The following PSMD14 variants were observed in gnomAD, a reference collection of about 807,000 sequenced individuals.
PSMD14 encodes proteasome 26S subunit, non-ATPase 14, also known as ubiquitin C-terminal hydrolase PSMD14.
In PSMD14, 7 loss-of-function variants were observed where a neutral mutation model predicts 41.2. That is an observed-to-expected ratio of 0.17 (90% CI 0.10 to 0.32). The LOEUF (loss-of-function observed/expected upper bound fraction) is 0.32. Among genes scored for constraint, PSMD14 ranks in the 10% least tolerant of loss-of-function variants. PSMD14 has a pLI of 1.00. For missense variants in PSMD14, 139 were observed against 375.6 expected (o/e 0.37, Z 5.21); for synonymous variants, 114 against 122.3 (o/e 0.93, Z 0.45).
chr2:161,315,813 A>T (rs936666727), intron 1 of PSMD14, among the ~76,000 whole-genome samples: 7 of 151,162 alleles, frequency 4.6e-5, no homozygotes, highest in African/African-American at 1.7e-4. Flanking sequence ...TGTCTTATTT[A>T]AAAATATAAG....
At chr2:161,358,586 C>T (rs1259528646) in intron 3 of PSMD14, among the ~76,000 whole-genome samples, 1 of 152,174 alleles carries the variant, frequency 6.6e-6, no homozygotes, top group East Asian at 1.9e-4. Context: ...CTGACCACTC[C>T]TACTCTACAT....
At chr2:161,318,552 A>G (rs1468262958) in intron 2 of PSMD14, among the ~76,000 whole-genome samples, 9 of 152,168 alleles carry the variant, frequency 5.9e-5, no homozygotes, top group Non-Finnish European at 1.0e-4. Flanking sequence ...TAACTTAATG[A>G]TAGCAAAGTT....
At chr2:161,390,580 C>G (rs1257687692) in intron 8 of PSMD14, among the ~76,000 whole-genome samples, 1 of 152,224 alleles carries the variant, frequency 6.6e-6, no homozygotes, top group East Asian at 1.9e-4. Context: ...TGGATAAGAG[C>G]ATGAGCTAGA....
intron 7 of PSMD14, among the ~76,000 whole-genome samples, chr2:161,375,366 A>G (rs1683489584): frequency 6.6e-6 from 1 of 152,056 alleles, no homozygotes; most frequent in African/African-American, 2.4e-5. Flanking sequence ...GACAGAAATA[A>G]TTCAACAAAT....
rs771608548 is a variant in PSMD14 at position 161,370,145 on chromosome 2, T to C, written c.279T>C (p.Ala93=). The C allele has an allele frequency of 6.3e-7, 1 of 1,595,174 alleles. No individual in the cohort carries two copies. The highest frequency in any genetic ancestry group is 1.1e-5 in the South Asian group (1 of 87,602). Residue 93 remains alanine, a synonymous_variant, in exon 6 of 12, where the codon GCT becomes GCC. Coordinates refer to ENST00000409682, the MANE Select transcript of PSMD14 (RefSeq NM_005805.6). ...SVEAVDPVFQ[A]KMLDMLKQTG... ...AGGCAGTTGATCCAGTGTTCCAAGC[T>C]AAAATGTTGGATATGTTGAAGCAGA...
intron 3 of PSMD14, among the ~76,000 whole-genome samples, chr2:161,362,455 C>T (rs566522813): frequency 1.3e-5 from 2 of 152,184 alleles, no homozygotes; most frequent in South Asian, 2.1e-4. Context: ...CTTTATATGA[C>T]GACTCTTCCA....
chr2:161,370,084 A>G (rs756528516), intron 5 of PSMD14, 23 bp from the exon 6 acceptor site: 5 of 1,507,766 alleles, frequency 3.3e-6, no homozygotes, highest in Non-Finnish European at 4.4e-6. Flanking sequence ...AAAATTAATA[A>G]TTTTTCTTTC....
At chr2:161,353,384 C>G (rs1683147324) in intron 3 of PSMD14, among the ~76,000 whole-genome samples, 1 of 152,102 alleles carries the variant, frequency 6.6e-6, no homozygotes, top group South Asian at 2.1e-4. Flanking sequence ...TGAAAAGTCA[C>G]ATCCTCAGAA....
chr2:161,350,925 C>G (rs1224976636), intron 3 of PSMD14, among the ~76,000 whole-genome samples: 1 of 152,204 alleles, frequency 6.6e-6, no homozygotes, highest in Non-Finnish European at 1.5e-5. Flanking sequence ...GAGTGTGCTT[C>G]AAATGTTTCT....
chr2:161,343,258 A>G (rs1025276090), intron 3 of PSMD14, among the ~76,000 whole-genome samples: 5 of 152,008 alleles, frequency 3.3e-5, no homozygotes, highest in Admixed American at 2.6e-4. Context: ...CCAGCATTCC[A>G]CTTTCTGTTT....
intron 7 of PSMD14, among the ~76,000 whole-genome samples, chr2:161,373,669 A>ATT (rs1683468280): frequency 6.6e-6 from 1 of 151,978 alleles, no homozygotes; most frequent in Admixed American, 6.6e-5. Flanking sequence ...AAGAATTAAA[A>ATT]TGACATTTTA....
At chr2:161,330,076 T>C (rs181344992) in intron 3 of PSMD14, among the ~76,000 whole-genome samples, 15 of 150,750 alleles carry the variant, frequency 1.0e-4, no homozygotes, top group Non-Finnish European at 1.5e-5. Context: ...TAAATTTCTA[T>C]TTTGATATGC....
At chr2:161,313,985 T>C (rs952301547) in intron 1 of PSMD14, among the ~76,000 whole-genome samples, 1 of 152,186 alleles carries the variant, frequency 6.6e-6, no homozygotes, top group South Asian at 2.1e-4. Flanking sequence ...ACCATCCATA[T>C]CCAGAATTTT....
intron 10 of PSMD14, among the ~76,000 whole-genome samples, chr2:161,403,361 C>T (rs534247560): frequency 6.6e-6 from 1 of 152,090 alleles, no homozygotes; most frequent in South Asian, 2.1e-4. Flanking sequence ...AGACAGAAAA[C>T]AGATGTGTGG....
chr2:161,341,111 C>T (rs1425329598), intron 3 of PSMD14: 3 of 1,373,038 alleles, frequency 2.2e-6, no homozygotes, highest in East Asian at 6.1e-5. Context: ...CTCCAGGCTC[C>T]TCCGGCCCCG....
At chr2:161,382,762 A>T (rs906304383) in intron 7 of PSMD14, 1 of 151,758 alleles carries the variant, frequency 6.6e-6, no homozygotes, top group African/African-American at 2.4e-5. Flanking sequence ...TGGTTAAGTT[A>T]CTGTTTGAGT....
intron 3 of PSMD14, among the ~76,000 whole-genome samples, chr2:161,323,132 CACTCACATGAGAAT>C (rs1483503293): frequency 3.9e-5 from 6 of 152,196 alleles, no homozygotes; most frequent in Non-Finnish European, 8.8e-5. Flanking sequence ...TACCTCTGTT[CACTCACATGAGAAT>C]GCATTCTGGC....
intron 3 of PSMD14, among the ~76,000 whole-genome samples, chr2:161,334,686 T>A (rs1465185794): frequency 2.0e-5 from 3 of 152,252 alleles, no homozygotes; most frequent in Non-Finnish European, 4.4e-5. Flanking sequence ...TTCCCTTCTT[T>A]GACCACTGCC....
rs575656854 is a variant in PSMD14 at position 161,410,750 on chromosome 2, C to T, written c.835-552C>T. ...TGTATTTAAATTCTTCAACTACAAA[C>T]GGCAGCTTTTGATCCAAGAATATTT... is the stretch of plus-strand genomic sequence containing the variant. On this transcript the variant is annotated intron_variant, in intron 11 of 11. Transcript: ENST00000409682. Among the ~76,000 whole-genome samples the T allele has an allele frequency of 6.3e-4, 96 of 152,122 alleles. 1 individual carries two copies. The highest frequency in any genetic ancestry group is 1.5e-3 in the Admixed American group (23 of 15,298).
Sources: allele counts gnomAD v4.1 joint callset (sites outside exome capture counted in the v4.1 genomes callset), GRCh38; gene constraint gnomAD v4.1.1; transcripts MANE v1.5; gene names NCBI Gene and HGNC (gene_info 2026-07-23, HGNC 2026-07-21).